The following PITPNC1 variants were observed in gnomAD, a reference collection of about 807,000 sequenced individuals.
The protein encoded by PITPNC1 is phosphatidylinositol transfer protein cytoplasmic 1.
Under a neutral mutation model 44.7 loss-of-function variants are expected in PITPNC1, and 18 were observed. The observed-to-expected ratio is 0.40, with a 90% CI of 0.28 to 0.60. The LOEUF is 0.60. PITPNC1 is among the 20% of genes least tolerant of loss of function. The probability of loss-of-function intolerance (pLI) is 0.39; values close to 1 mark genes in which losing one functional copy is unlikely to be tolerated. For missense variants in PITPNC1, 290 were observed against 418.4 expected, an observed-to-expected ratio of 0.69 and a Z score of 2.68; for synonymous variants, 141 against 149.6, an observed-to-expected ratio of 0.94 and a Z score of 0.42.
chr17:67,689,184 A>G (rs1399189234), intron 8 of PITPNC1, among the ~76,000 whole-genome samples: 2 of 152,232 alleles, frequency 1.3e-5, no homozygotes, highest in Non-Finnish European at 2.9e-5. Flanking sequence ...CCTGGGCAAC[A>G]AGAGTGCAAC....
chr17:67,469,173 C>A (rs1427032778), intron 1 of PITPNC1, among the ~76,000 whole-genome samples: 2 of 152,142 alleles, frequency 1.3e-5, no homozygotes, highest in African/African-American at 2.4e-5. Context: ...CCAACTGGTG[C>A]AATTTTCCCA....
intron 5 of PITPNC1, among the ~76,000 whole-genome samples, chr17:67,595,356 G>A (rs1322236324): frequency 6.6e-6 from 1 of 151,964 alleles, no homozygotes; most frequent in Non-Finnish European, 1.5e-5. Flanking sequence ...TGGACATCCA[G>A]AGCCATCATC....
intron 1 of PITPNC1, among the ~76,000 whole-genome samples, chr17:67,388,103 A>G (rs573813631): frequency 3.3e-5 from 5 of 152,288 alleles, no homozygotes; most frequent in African/African-American, 1.2e-4. Context: ...CTGATCCTCT[A>G]TGTCCTCCTG....
intron 1 of PITPNC1, among the ~76,000 whole-genome samples, chr17:67,437,224 G>A (rs1324527612): frequency 1.3e-5 from 2 of 151,896 alleles, no homozygotes; most frequent in Non-Finnish European, 2.9e-5. Context: ...CTAGCCGGCA[G>A]TAGGGTTTTT....
At chr17:67,546,803 C>T (rs2040691507) in intron 2 of PITPNC1, among the ~76,000 whole-genome samples, 1 of 152,180 alleles carries the variant, frequency 6.6e-6, no homozygotes, top group Non-Finnish European at 1.5e-5. Flanking sequence ...CCTTGCCTCC[C>T]ACAGCTGATA....
At chr17:67,582,038 A>G (rs1392020079) in intron 5 of PITPNC1, among the ~76,000 whole-genome samples, 1 of 152,200 alleles carries the variant, frequency 6.6e-6, no homozygotes, top group Non-Finnish European at 1.5e-5. Context: ...TGTCTCAAAA[A>G]AAAAGAAAAG....
chr17:67,573,122 C>A (rs956076732), intron 4 of PITPNC1, among the ~76,000 whole-genome samples: 9 of 152,194 alleles, frequency 5.9e-5, no homozygotes, highest in African/African-American at 1.9e-4. Flanking sequence ...AGTACCAGTA[C>A]AGTCAGGGAG....
intron 1 of PITPNC1, among the ~76,000 whole-genome samples, chr17:67,385,271 G>T (rs1031765917): frequency 1.1e-4 from 16 of 152,204 alleles, no homozygotes; most frequent in Middle Eastern, 3.2e-3. Flanking sequence ...TGGCTAGCTA[G>T]CGGTTTCTAA....
intron 1 of PITPNC1, among the ~76,000 whole-genome samples, chr17:67,500,958 G>A (rs35797566): frequency 0.05 from 7,627 of 151,992 alleles, 256 homozygotes; most frequent in Middle Eastern, 0.11. Context: ...CCAAAGTGCT[G>A]GAATTAAAGA....
At chr17:67,396,264 C>T (rs2038218462) in intron 1 of PITPNC1, among the ~76,000 whole-genome samples, 1 of 152,176 alleles carries the variant, frequency 6.6e-6, no homozygotes, top group Non-Finnish European at 1.5e-5. Flanking sequence ...TAAAATTAGC[C>T]ATTATTTACG....
intron 1 of PITPNC1, among the ~76,000 whole-genome samples, chr17:67,531,547 T>G (rs2144126454): frequency 6.6e-6 from 1 of 152,320 alleles, no homozygotes; most frequent in Admixed American, 6.5e-5. Flanking sequence ...CCGTCCCTGC[T>G]CCTGCCTCAG....
At chr17:67,683,162 C>CAAA (rs901577194) in intron 8 of PITPNC1, among the ~76,000 whole-genome samples, 554 of 41,256 alleles carry the variant, frequency 0.013, 32 homozygotes, top group African/African-American at 0.033. Context: ...AACTGAGTCT[C>CAAA]AAAAAAAAAA....
intron 5 of PITPNC1, among the ~76,000 whole-genome samples, chr17:67,601,460 G>T (rs1200530029): frequency 1.3e-5 from 2 of 152,130 alleles, no homozygotes; most frequent in African/African-American, 4.8e-5. Context: ...GTTACAAGAG[G>T]AAGAGCAGCT....
Position 67,441,691 on chromosome 17 carries a change from G to C in PITPNC1, c.48+63489G>C, listed in dbSNP as rs140362206. On this transcript the variant is annotated intron_variant, in intron 1 of 8. Transcript: ENST00000581322. Reference sequence around the variant, plus strand: ...TTCCTAAGAATGTGAAATTAGATGGGGAAAAGTGACAGAAGAGTGTCACTA... The same window carrying C: ...TTCCTAAGAATGTGAAATTAGATGGCGAAAAGTGACAGAAGAGTGTCACTA... Among the ~76,000 whole-genome samples, 1,494 of 152,254 alleles carry C rather than the reference G, an allele frequency of 9.8e-3. 13 individuals carry two copies. The highest frequency in any genetic ancestry group is 0.015 in the Non-Finnish European group (1,002 of 68,028).
chr17:67,436,871 G>A lies in PITPNC1; in HGVS notation c.48+58669G>A, dbSNP rs569474524. 2.0e-5 allele frequency among the ~76,000 whole-genome samples: 3 copies of A among 148,804 alleles called. No individual in the cohort carries two copies. The Admixed American group carries it at 2.0e-4, about 10-fold the overall frequency. Reference sequence around the variant, plus strand: ...GTCCCCTCAAAATCTGTGTCTGCCTGGAACCTCAGAATCTGATTGTATTTG... The same window carrying A: ...GTCCCCTCAAAATCTGTGTCTGCCTAGAACCTCAGAATCTGATTGTATTTG... On this transcript the variant is annotated intron_variant, in intron 1 of 8. Transcript: ENST00000581322.
intron 6 of PITPNC1, among the ~76,000 whole-genome samples, chr17:67,662,987 G>C (rs1415028753): frequency 4.6e-5 from 7 of 152,122 alleles, no homozygotes. Context: ...ATAGCACAGT[G>C]ATGAACATAT....
chr17:67,521,859 G>A (rs1050834844), intron 1 of PITPNC1, among the ~76,000 whole-genome samples: 8 of 152,312 alleles, frequency 5.3e-5, no homozygotes, highest in Non-Finnish European at 1.2e-4. Flanking sequence ...TGAGGAATGT[G>A]TTCTCATTGA....
chr17:67,494,977 G>GC (rs1485872703), intron 1 of PITPNC1, among the ~76,000 whole-genome samples: 2 of 125,146 alleles, frequency 1.6e-5, no homozygotes, highest in African/African-American at 6.1e-5. Flanking sequence ...TCTCAAACTG[G>GC]CAAAAAAAAA....
chr17:67,406,965 T>C (rs2038410495), intron 1 of PITPNC1, among the ~76,000 whole-genome samples: 2 of 152,248 alleles, frequency 1.3e-5, no homozygotes, highest in Non-Finnish European at 2.9e-5. Flanking sequence ...TTTTGGCTAT[T>C]ATGAACATTC....
Sources: gnomAD v4.1 joint callset for allele counts (sites outside exome capture counted in the v4.1 genomes callset) on GRCh38, gnomAD v4.1.1 for gene constraint, MANE v1.5 for transcripts, NCBI Gene and HGNC (gene_info 2026-07-23, HGNC 2026-07-21) for gene names.